The following DLC1 variants were observed in gnomAD, a reference collection of about 807,000 sequenced individuals.
DLC1 encodes the protein DLC1 Rho GTPase activating protein.
A neutral mutation model predicts 140.3 loss-of-function variants in DLC1; 54 were observed. The ratio of observed to expected loss-of-function variants is 0.38; its 90% CI spans 0.31 to 0.48. The LOEUF (loss-of-function observed/expected upper bound fraction) is 0.48, where lower values mean the gene tolerates loss of function less well. Among genes scored for constraint, DLC1 ranks in the 20% least tolerant of loss-of-function variants. DLC1 has a pLI of 0.96. For missense variants in DLC1, 2,536 were observed against 1,907.0 expected, an observed-to-expected ratio of 1.33 and a Z score of -6.14; for synonymous variants, 986 against 728.1, an observed-to-expected ratio of 1.35 and a Z score of -5.70.
At chr8:13,158,200 C>A (rs956765253) in intron 5 of DLC1, among the ~76,000 whole-genome samples, 1 of 152,204 alleles carries the variant, frequency 6.6e-6, no homozygotes, top group East Asian at 1.9e-4. Flanking sequence ...CGCCCAATCA[C>A]CCCATATCAT....
intron 4 of DLC1, among the ~76,000 whole-genome samples, chr8:13,391,115 C>A (rs1836740685): frequency 6.6e-6 from 1 of 152,088 alleles, no homozygotes; most frequent in Admixed American, 6.6e-5. Context: ...TCTGGGTACT[C>A]TTCATGGCCT....
At chr8:13,567,890 C>T in intron 1 of DLC1, 2 of 1,551,972 alleles carry the variant, frequency 1.3e-6, no homozygotes, top group Admixed American at 2.0e-5. Flanking sequence ...TTTTCTCTGC[C>T]ATTTCTCAAG....
At chr8:13,443,285 A>C (rs865959343) in intron 2 of DLC1, among the ~76,000 whole-genome samples, 1 of 151,152 alleles carries the variant, frequency 6.6e-6, no homozygotes, top group Non-Finnish European at 1.5e-5. Flanking sequence ...GCACACCAAC[A>C]TGGCACATGT....
intron 2 of DLC1, among the ~76,000 whole-genome samples, chr8:13,452,107 A>T (rs1799090575): frequency 6.6e-6 from 1 of 152,048 alleles, no homozygotes; most frequent in Non-Finnish European, 1.5e-5. Context: ...TTAAAATCTT[A>T]TATAAAAGAT....
At chr8:13,365,539 G>C (rs1361197513) in intron 4 of DLC1, among the ~76,000 whole-genome samples, 1 of 152,118 alleles carries the variant, frequency 6.6e-6, no homozygotes, top group Non-Finnish European at 1.5e-5. Context: ...ACAAATGCCA[G>C]ATGCATGAGA....
intron 2 of DLC1, among the ~76,000 whole-genome samples, chr8:13,409,433 T>A (rs1837694929): frequency 6.6e-6 from 1 of 152,134 alleles, no homozygotes; most frequent in South Asian, 2.1e-4. Context: ...ATTTAGCAAA[T>A]AAAACGATAG....
In DLC1 at chr8:13,318,394, G is replaced by A. The variant is rs556288888; in HGVS notation, c.1315-13092C>T. Among the ~76,000 whole-genome samples, 7 of 152,128 alleles carry A rather than the reference G, an allele frequency of 4.6e-5. No individual in the cohort carries two copies. The East Asian group carries it at 1.4e-3, about 29-fold the overall frequency. On this transcript the variant is annotated intron_variant, in intron 4 of 17. Coordinates refer to ENST00000276297, the MANE Select transcript of DLC1 (RefSeq NM_182643.3). ...TGTTACTATATTATTCTATGTATGA[G>A]GAAATGAAGTCAAATAGAGACAAGG...
At chr8:13,331,696 C>A (rs1198391244) in intron 4 of DLC1, among the ~76,000 whole-genome samples, 1 of 151,940 alleles carries the variant, frequency 6.6e-6, no homozygotes, top group Non-Finnish European at 1.5e-5. Context: ...AAATCCCCAC[C>A]AAATCCAAGA....
chr8:13,482,669 A>G (rs1800790353), intron 2 of DLC1, among the ~76,000 whole-genome samples: 1 of 152,226 alleles, frequency 6.6e-6, no homozygotes, highest in Non-Finnish European at 1.5e-5. Context: ...ACTTAAGATA[A>G]GTCAATATAG....
upstream of DLC1, among the ~76,000 whole-genome samples, chr8:13,518,728 T>A (rs375520109): frequency 6.6e-6 from 1 of 152,200 alleles, no homozygotes; most frequent in East Asian, 1.9e-4. Flanking sequence ...GCAATGAACT[T>A]GAAATTAATA....
At chr8:13,584,006 G>A (rs146990395) in intron 1 of DLC1, 8 of 152,514 alleles carry the variant, frequency 5.2e-5, no homozygotes, top group Admixed American at 2.6e-4. Context: ...TGCTGTTCTG[G>A]TTGGATTTCT....
chr8:13,353,101 CCTGAAAGGTGG>C (rs769383064), intron 4 of DLC1, among the ~76,000 whole-genome samples: 13 of 152,048 alleles, frequency 8.5e-5, no homozygotes, highest in Non-Finnish European at 1.3e-4. Context: ...ACATAATTAA[CCTGAAAGGTGG>C]CTGAAAGGTG....
rs78786228 is a variant in DLC1 at position 13,449,943 on chromosome 8, A to G, written c.1024-48324T>C. Among the ~76,000 whole-genome samples, 1,272 of 152,254 alleles carry G rather than the reference A, an allele frequency of 8.4e-3. 14 individuals carry two copies. The highest frequency in any genetic ancestry group is 0.029 in the African/African-American group (1,203 of 41,522). On this transcript the variant is annotated intron_variant, in intron 2 of 17. Coordinates refer to ENST00000276297, the MANE Select transcript of DLC1 (RefSeq NM_182643.3). ...CTTATCTAATTGAGGAAAATTTTCA[A>G]TTAGGTGATAGCTATAACTTTATAA...
Position 13,400,957 on chromosome 8 carries a change from C to G in DLC1, c.1173+513G>C, listed in dbSNP as rs185693045. Among the ~76,000 whole-genome samples the G allele has an allele frequency of 2.1e-3, 323 of 152,312 alleles. 1 individual carries two copies. The highest frequency in any genetic ancestry group is 7.4e-3 in the African/African-American group (306 of 41,562). On this transcript the variant is annotated intron_variant, in intron 3 of 17. Transcript: ENST00000276297. ...ACAATTCTCAGCTCTGTCTCTTTCA[C>G]TGTATTTCACTAAGTGAATTTTAGA...
At chr8:13,546,462 T>C (rs1803651793) in intron 1 of DLC1, among the ~76,000 whole-genome samples, 1 of 152,176 alleles carries the variant, frequency 6.6e-6, no homozygotes, top group Non-Finnish European at 1.5e-5. Flanking sequence ...GAAATTTTTC[T>C]TTAAAAAAGC....
intron 5 of DLC1, among the ~76,000 whole-genome samples, chr8:13,146,285 A>C (rs1383300191): frequency 6.6e-6 from 1 of 151,978 alleles, no homozygotes; most frequent in Non-Finnish European, 1.5e-5. Flanking sequence ...AAAAAAAAAA[A>C]AAATACACTG....
At chr8:13,436,716 G>C (rs1839136809) in intron 2 of DLC1, among the ~76,000 whole-genome samples, 1 of 152,114 alleles carries the variant, frequency 6.6e-6, no homozygotes, top group South Asian at 2.1e-4. Flanking sequence ...TTAAGATCTG[G>C]TGCCATATAA....
chr8:13,588,804 G>A (rs1351819070), intron 1 of DLC1, among the ~76,000 whole-genome samples: 1 of 151,998 alleles, frequency 6.6e-6, no homozygotes, highest in East Asian at 1.9e-4. Context: ...GAAGCATAGG[G>A]GCTGGGAGAG....
intron 1 of DLC1, among the ~76,000 whole-genome samples, chr8:13,554,292 C>A (rs1007160254): frequency 6.6e-6 from 1 of 152,184 alleles, no homozygotes; most frequent in Non-Finnish European, 1.5e-5. Context: ...TCTTGAACTT[C>A]TGACCTCAAG....
Sources: allele counts gnomAD v4.1 joint callset (sites outside exome capture counted in the v4.1 genomes callset), GRCh38; gene constraint gnomAD v4.1.1; transcripts MANE v1.5; gene names NCBI Gene and HGNC (gene_info 2026-07-23, HGNC 2026-07-21).